The following GPC5 variants were observed in gnomAD, a reference collection of about 807,000 sequenced individuals.
GPC5 encodes the protein glypican-5.
GPC5 carries 47 observed loss-of-function variants against 53.9 expected under a neutral mutation model. The ratio of observed to expected loss-of-function variants is 0.87; its 90% CI spans 0.69 to 1.11. GPC5 has a LOEUF of 1.11. Among genes scored for constraint, GPC5 ranks in the 50% most tolerant of loss-of-function variants. The pLI is 0.00. For missense variants in GPC5, 748 were observed against 713.1 expected (o/e 1.05, Z -0.56); for synonymous variants, 286 against 263.3 (o/e 1.09, Z -0.84).
At chr13:91,652,219 G>A (rs1292494205) in intron 2 of GPC5, among the ~76,000 whole-genome samples, 5 of 152,086 alleles carry the variant, frequency 3.3e-5, no homozygotes, top group Admixed American at 3.3e-4. Context: ...TCTTAAATAA[G>A]CGTTCACCAT....
intron 7 of GPC5, among the ~76,000 whole-genome samples, chr13:92,372,348 A>T (rs1406754117): frequency 6.6e-6 from 1 of 152,228 alleles, no homozygotes; most frequent in Non-Finnish European, 1.5e-5. Flanking sequence ...AGAATATTAT[A>T]TAATTTTTAA....
intron 7 of GPC5, among the ~76,000 whole-genome samples, chr13:92,352,019 A>T (rs1458015787): frequency 6.6e-6 from 1 of 152,200 alleles, no homozygotes; most frequent in Non-Finnish European, 1.5e-5. Context: ...TGCTCAGAAG[A>T]AAAGAAGTGA....
At chr13:91,878,456 A>G (rs546471833) in intron 5 of GPC5, among the ~76,000 whole-genome samples, 256 of 152,286 alleles carry the variant, frequency 1.7e-3, no homozygotes, top group African/African-American at 5.9e-3. Flanking sequence ...CTACACGGAA[A>G]ATTAGAACAT....
At chr13:92,536,794 T>C (rs1347858680) in intron 7 of GPC5, among the ~76,000 whole-genome samples, 1 of 152,102 alleles carries the variant, frequency 6.6e-6, no homozygotes, top group Non-Finnish European at 1.5e-5. Context: ...TAAAATTGTA[T>C]ATGTATTAAT....
chr13:91,795,258 G>T (rs944307136), intron 5 of GPC5, among the ~76,000 whole-genome samples: 8 of 152,138 alleles, frequency 5.3e-5, no homozygotes, highest in Non-Finnish European at 1.0e-4. Flanking sequence ...CTTTAAAAAT[G>T]TGTATATTGG....
intron 7 of GPC5, among the ~76,000 whole-genome samples, chr13:92,523,620 A>C (rs1881154180): frequency 6.6e-6 from 1 of 152,102 alleles, no homozygotes; most frequent in African/African-American, 2.4e-5. Flanking sequence ...AGTGAATTTT[A>C]AATTAATCTG....
intron 7 of GPC5, among the ~76,000 whole-genome samples, chr13:92,275,976 G>A (rs35193054): frequency 0.085 from 12,996 of 152,080 alleles, 617 homozygotes; most frequent in Middle Eastern, 0.12. Context: ...ACATATGAGT[G>A]ATAATAGTGC....
At chr13:91,722,046 T>C (rs186037134) in intron 3 of GPC5, among the ~76,000 whole-genome samples, 1 of 152,362 alleles carries the variant, frequency 6.6e-6, no homozygotes, top group African/African-American at 2.4e-5. Context: ...GCTCAGTGTA[T>C]TGATTGACAT....
chr13:92,644,070 A>C (rs576276713), intron 7 of GPC5, among the ~76,000 whole-genome samples: 1 of 152,298 alleles, frequency 6.6e-6, no homozygotes, highest in African/African-American at 2.4e-5. Flanking sequence ...GATTACTACA[A>C]AATTATAAGC....
intron 7 of GPC5, among the ~76,000 whole-genome samples, chr13:92,589,762 A>T (rs1449625895): frequency 6.6e-6 from 1 of 152,256 alleles, no homozygotes; most frequent in East Asian, 1.9e-4. Flanking sequence ...AGAAGTCCAC[A>T]TAGGATTCAG....
chr13:92,344,404 C>T (rs938428664), intron 7 of GPC5, among the ~76,000 whole-genome samples: 24 of 152,060 alleles, frequency 1.6e-4, no homozygotes, highest in Non-Finnish European at 2.4e-4. Context: ...GAGATTTGGG[C>T]GGGGACACAG....
rs368584690 is a variant in GPC5, at chr13:92,200,893, A to C, written c.1561+55904A>C. 7.2e-5 allele frequency among the ~76,000 whole-genome samples: 11 copies of C among 152,312 alleles called. No individual in the cohort carries two copies. The East Asian group carries it at 1.2e-3, about 16-fold the overall frequency. On this transcript the variant is annotated intron_variant, in intron 7 of 7. Transcript: ENST00000377067. ...GGGTCGGAGTATGAGAAGTGTATCT[A>C]AACTGAAGAATTCAGGACACATTTC...
At chr13:91,640,533 G>A (rs1416784487) in intron 2 of GPC5, among the ~76,000 whole-genome samples, 2 of 152,190 alleles carry the variant, frequency 1.3e-5, no homozygotes, top group Non-Finnish European at 2.9e-5. Flanking sequence ...GTTGGTAGGA[G>A]TGTACATTTG....
At chr13:92,155,828 A>G (rs1233968512) in intron 7 of GPC5, among the ~76,000 whole-genome samples, 1 of 152,084 alleles carries the variant, frequency 6.6e-6, no homozygotes, top group Non-Finnish European at 1.5e-5. Flanking sequence ...CTTGTATCCC[A>G]TGCTTACTGC....
intron 5 of GPC5, among the ~76,000 whole-genome samples, chr13:91,837,741 T>C (rs2038738309): frequency 6.6e-6 from 1 of 152,148 alleles, no homozygotes; most frequent in African/African-American, 2.4e-5. Flanking sequence ...GTCATACTCA[T>C]ATTCTGAGCT....
chr13:92,085,124 A>G (rs1338611794), intron 6 of GPC5, among the ~76,000 whole-genome samples: 1 of 152,154 alleles, frequency 6.6e-6, no homozygotes, highest in African/African-American at 2.4e-5. Context: ...TCTTAATACT[A>G]TTGCACTGGA....
intron 7 of GPC5, among the ~76,000 whole-genome samples, chr13:92,719,152 T>C (rs1486342676): frequency 1.3e-5 from 2 of 151,272 alleles, no homozygotes; most frequent in East Asian, 2.0e-4. Flanking sequence ...TTGAAATACA[T>C]AGATGATTCC....
At chr13:91,977,947 T>TAAA (rs1413529700) in intron 6 of GPC5, among the ~76,000 whole-genome samples, 1 of 92,704 alleles carries the variant, frequency 1.1e-5, no homozygotes, top group East Asian at 3.2e-4. Context: ...CCGCCATCTC[T>TAAA]AAAAGAAAAA....
At chr13:92,766,727 A>G (rs905659590) in intron 7 of GPC5, among the ~76,000 whole-genome samples, 10 of 152,226 alleles carry the variant, frequency 6.6e-5, no homozygotes, top group African/African-American at 1.9e-4. Context: ...TTAAGTCAAA[A>G]TAGAGAGAGA....
Sources: gnomAD v4.1 joint callset for allele counts (sites outside exome capture counted in the v4.1 genomes callset) on GRCh38, gnomAD v4.1.1 for gene constraint, MANE v1.5 for transcripts, NCBI Gene and HGNC (gene_info 2026-07-23, HGNC 2026-07-21) for gene names.